The following ANXA10 variants were observed in gnomAD, a reference collection of about 807,000 sequenced individuals.
The protein encoded by ANXA10 is annexin A10, also known as annexin 14.
In ANXA10, 49 loss-of-function variants were observed where a neutral mutation model predicts 53.5. The observed-to-expected ratio is 0.92, with a 90% CI of 0.73 to 1.16. The LOEUF is 1.16. ANXA10 is among the 50% of genes most tolerant of loss of function. ANXA10 has a pLI of 0.00. For missense variants in ANXA10, 393 were observed against 394.4 expected, an observed-to-expected ratio of 1.00 and a Z score of 0.03; for synonymous variants, 131 against 128.9, an observed-to-expected ratio of 1.02 and a Z score of -0.11.
intron 3 of ANXA10, among the ~76,000 whole-genome samples, chr4:168,156,144 A>T (rs1560784350): frequency 0.011 from 250 of 22,624 alleles, 2 homozygotes; most frequent in African/African-American, 0.044. Context: ...TATATATAAA[A>T]ATAATATATA....
At chr4:168,153,981 T>TACAC (rs35992092) in intron 3 of ANXA10, among the ~76,000 whole-genome samples, 6,043 of 149,308 alleles carry the variant, frequency 0.04, 130 homozygotes, top group Middle Eastern at 0.051. Context: ...TAGCTATGTA[T>TACAC]ACACACACAC....
At chr4:168,174,592 G>T (rs574084386) in intron 6 of ANXA10, among the ~76,000 whole-genome samples, 1 of 152,336 alleles carries the variant, frequency 6.6e-6, no homozygotes, top group East Asian at 1.9e-4. Flanking sequence ...GGCGAGCAAG[G>T]CCCAGGCAGG....
intron 1 of ANXA10, among the ~76,000 whole-genome samples, chr4:168,108,626 C>T (rs1364444534): frequency 6.6e-6 from 1 of 152,176 alleles, no homozygotes; most frequent in Non-Finnish European, 1.5e-5. Flanking sequence ...CTTTGTAGCA[C>T]TTATGTAGTC....
chr4:168,156,147 AAT>A (rs1731657955), intron 3 of ANXA10, among the ~76,000 whole-genome samples: 1 of 25,076 alleles, frequency 4.0e-5, no homozygotes, highest in Admixed American at 7.9e-4. Flanking sequence ...ATATAAAAAT[AAT>A]ATATATTATA....
chr4:168,170,126 A>G (rs11726897), intron 6 of ANXA10, among the ~76,000 whole-genome samples: 3,681 of 152,270 alleles, frequency 0.024, 202 homozygotes, highest in East Asian at 0.14. Flanking sequence ...GTATTTGTAT[A>G]TATAATATCG....
At chr4:168,093,790 G>A (rs1730499618) in intron 1 of ANXA10, among the ~76,000 whole-genome samples, 1 of 152,102 alleles carries the variant, frequency 6.6e-6, no homozygotes, top group African/African-American at 2.4e-5. Flanking sequence ...AATCAATGCA[G>A]GAAAATTTTA....
chr4:168,101,913 C>A (rs995537330), intron 1 of ANXA10, among the ~76,000 whole-genome samples: 6 of 152,104 alleles, frequency 3.9e-5, no homozygotes, highest in African/African-American at 1.4e-4. Context: ...ATCAACAACA[C>A]CGTTCTAACC....
intron 1 of ANXA10, among the ~76,000 whole-genome samples, chr4:168,101,968 A>G (rs1730646886): frequency 6.6e-6 from 1 of 152,154 alleles, no homozygotes; most frequent in Non-Finnish European, 1.5e-5. Flanking sequence ...GAAAACTAAG[A>G]CTATCAATAT....
At chr4:168,178,177 A>G in intron 8 of ANXA10, 194 bp downstream of exon 8, 1 of 550,906 alleles carries the variant, frequency 1.8e-6, no homozygotes, top group South Asian at 2.5e-5. Context: ...TATTTCCTTA[A>G]TATTTTTTCC....
Position 168,155,085 on chromosome 4 carries a change from T to C in ANXA10, c.196-7443T>C, listed in dbSNP as rs534519368. 5.9e-5 allele frequency among the ~76,000 whole-genome samples: 9 copies of C among 151,600 alleles called. No homozygotes were observed. In the East Asian group the frequency reaches 1.2e-3, roughly 20 times the overall value. On this transcript the variant is annotated intron_variant, in intron 3 of 11. Transcript: ENST00000359299. ...TGTATACTTCACAGGCACGTTTCAC[T>C]CTACCCAGAACAGTACCTTCTCTGT...
chr4:168,105,174 C>T (rs998161790), intron 1 of ANXA10, among the ~76,000 whole-genome samples: 2 of 151,476 alleles, frequency 1.3e-5, no homozygotes, highest in African/African-American at 2.4e-5. Flanking sequence ...CAGGTAAACT[C>T]GTGTCATGGG....
At chr4:168,151,552 G>A (rs1165568715) in intron 3 of ANXA10, among the ~76,000 whole-genome samples, 2 of 152,162 alleles carry the variant, frequency 1.3e-5, no homozygotes, top group East Asian at 3.9e-4. Context: ...CTGCTTTAGG[G>A]CAAGTCTTCG....
chr4:168,117,199 C>G (rs563220153), intron 1 of ANXA10, among the ~76,000 whole-genome samples: 4 of 152,172 alleles, frequency 2.6e-5, no homozygotes, highest in African/African-American at 7.2e-5. Context: ...GCCATGATTG[C>G]ACCACTGCAC....
rs752829627 is a variant in ANXA10, at chr4:168,164,289, G to T, written c.400+1G>T. 5 of 1,598,792 alleles carry T rather than the reference G, an allele frequency of 3.1e-6. No homozygotes were observed. The highest frequency in any genetic ancestry group is 4.3e-6 in the Non-Finnish European group (5 of 1,166,886). ...CAGATGCGAGAAGCCTACTGCTTGC[G>T]TAAGGAAATATACATATGTGAATAT... On this transcript the variant is annotated splice_donor_variant, in intron 5 of 11. Transcript: ENST00000359299. LOFTEE classifies it high-confidence loss of function.
At chr4:168,159,118 C>T (rs1731738602) in intron 3 of ANXA10, among the ~76,000 whole-genome samples, 2 of 152,172 alleles carry the variant, frequency 1.3e-5, no homozygotes, top group East Asian at 1.9e-4. Context: ...TATGGCAACA[C>T]AAAGTGGACT....
intron 3 of ANXA10, among the ~76,000 whole-genome samples, chr4:168,140,715 T>A (rs1294124431): frequency 6.6e-6 from 1 of 151,950 alleles, no homozygotes; most frequent in African/African-American, 2.4e-5. Context: ...GCCTCCTGGG[T>A]TCAAGTGATG....
At chr4:168,110,139 A>T (rs1306610872) in intron 1 of ANXA10, among the ~76,000 whole-genome samples, 1 of 152,234 alleles carries the variant, frequency 6.6e-6, no homozygotes, top group Non-Finnish European at 1.5e-5. Context: ...TGAACCCGGA[A>T]GTTGGAGCTT....
At chr4:168,110,933 T>C (rs1351129967) in intron 1 of ANXA10, among the ~76,000 whole-genome samples, 1 of 152,202 alleles carries the variant, frequency 6.6e-6, no homozygotes. Flanking sequence ...GACCATTCTT[T>C]TTCTCATTAA....
At chr4:168,162,671 A>ACTTGTT in intron 4 of ANXA10, 30 bp downstream of exon 4, 4 of 1,574,856 alleles carry the variant, frequency 2.5e-6, no homozygotes, top group Non-Finnish European at 3.5e-6. Context: ...ATATGCCTGT[A>ACTTGTT]ACAAGTACAG....
Sources: gnomAD v4.1 joint callset for allele counts (sites outside exome capture counted in the v4.1 genomes callset) on GRCh38, gnomAD v4.1.1 for gene constraint, MANE v1.5 for transcripts, NCBI Gene and HGNC (gene_info 2026-07-23, HGNC 2026-07-21) for gene names.